Variants in ESRRG observed in about 807,000 individuals in gnomAD.
ESRRG encodes the protein estrogen-related receptor gamma.
Under a neutral mutation model 44.0 loss-of-function variants are expected in ESRRG, and 13 were observed. That is an observed-to-expected ratio of 0.30 (90% CI 0.19 to 0.47). The LOEUF is 0.47. Ranked by LOEUF, ESRRG falls within the 20% of genes least tolerant of loss-of-function variation. The pLI, the probability that ESRRG is intolerant of heterozygous loss-of-function variation, is 1.00. For missense variants in ESRRG, 395 were observed against 580.6 expected (o/e 0.68, Z 3.29); for synonymous variants, 215 against 214.6 (o/e 1.00, Z -0.02).
intron 3 of ESRRG, among the ~76,000 whole-genome samples, chr1:216,630,509 GC>G (rs894017099): frequency 1.3e-5 from 2 of 151,614 alleles, no homozygotes; most frequent in Non-Finnish European, 2.9e-5. Flanking sequence ...GTCTACCTCT[GC>G]CAAATTTCAG....
At chr1:216,884,771 T>C (rs919200743) in intron 2 of ESRRG, among the ~76,000 whole-genome samples, 20 of 152,328 alleles carry the variant, frequency 1.3e-4, no homozygotes, top group Admixed American at 3.9e-4. Flanking sequence ...GTAATTGCAG[T>C]GAGGTTTACA....
intron 1 of ESRRG, among the ~76,000 whole-genome samples, chr1:216,698,738 G>A (rs1031843918): frequency 2.6e-5 from 4 of 152,054 alleles, no homozygotes; most frequent in African/African-American, 9.7e-5. Flanking sequence ...GAAAGAAATG[G>A]AAATGAAGTA....
Position 216,837,103 on chromosome 1 carries a change from A to AC in ESRRG, c.-14+102478_-14+102479insG, listed in dbSNP as rs1553638837. 2.7e-5 allele frequency among the ~76,000 whole-genome samples: 4 copies of AC among 150,430 alleles called. No individual in the cohort carries two copies. The East Asian group carries it at 7.8e-4, about 29-fold the overall frequency. On this transcript the variant is annotated intron_variant, in intron 2 of 7. Transcript: ENST00000359162. ...CCAGTCACAGGTAAAGATATATTCT[A>AC]TTTTTTTTTTAAATACAACTTTTAG...
intron 1 of ESRRG, among the ~76,000 whole-genome samples, chr1:217,119,181 T>C (rs143375310): frequency 1.3e-4 from 20 of 152,344 alleles, no homozygotes; most frequent in African/African-American, 4.8e-4. Context: ...GCACCATTCA[T>C]TACTGTGCAC....
intron 2 of ESRRG, among the ~76,000 whole-genome samples, chr1:216,875,869 A>T (rs539242489): frequency 3.9e-5 from 6 of 152,288 alleles, no homozygotes; most frequent in Non-Finnish European, 7.4e-5. Context: ...CTACACTCCC[A>T]CCGGCAGATA....
At chr1:216,580,753 T>G (rs1198945127) in intron 3 of ESRRG, among the ~76,000 whole-genome samples, 4 of 152,080 alleles carry the variant, frequency 2.6e-5, no homozygotes, top group African/African-American at 9.7e-5. Context: ...AGATTCAGAG[T>G]CCAACAACTG....
intron 3 of ESRRG, among the ~76,000 whole-genome samples, chr1:216,649,407 T>C (rs2151029610): frequency 6.6e-6 from 1 of 152,156 alleles, no homozygotes; most frequent in Admixed American, 6.6e-5. Flanking sequence ...TATCCTTCCT[T>C]CCTTCCACTT....
intron 2 of ESRRG, among the ~76,000 whole-genome samples, chr1:216,809,063 C>A (rs1001558593): frequency 2.6e-5 from 4 of 152,060 alleles, no homozygotes; most frequent in African/African-American, 9.7e-5. Context: ...CAGGGTGCTA[C>A]GCTAAATTTT....
At chr1:216,823,767 A>G (rs1266133799) in intron 2 of ESRRG, among the ~76,000 whole-genome samples, 1 of 152,170 alleles carries the variant, frequency 6.6e-6, no homozygotes, top group Non-Finnish European at 1.5e-5. Context: ...TACAAGATGC[A>G]AGGCATTAGA....
At chr1:216,674,505 G>T (rs920265161) in intron 2 of ESRRG, among the ~76,000 whole-genome samples, 2 of 151,846 alleles carry the variant, frequency 1.3e-5, no homozygotes, top group African/African-American at 4.8e-5. Context: ...ATACTAACTT[G>T]GTTTTGTGCT....
chr1:216,887,475 T>A (rs897661463), intron 2 of ESRRG, among the ~76,000 whole-genome samples: 1 of 152,234 alleles, frequency 6.6e-6, no homozygotes, highest in Non-Finnish European at 1.5e-5. Context: ...TACTCTTGGT[T>A]GTTAAACATG....
chr1:216,752,428 T>A (rs1476408943), intron 2 of ESRRG, among the ~76,000 whole-genome samples: 2 of 151,904 alleles, frequency 1.3e-5, no homozygotes, highest in African/African-American at 4.8e-5. Flanking sequence ...GAACAAAAAA[T>A]AAAAGTTTTT....
intron 2 of ESRRG, among the ~76,000 whole-genome samples, chr1:216,910,548 A>G (rs1009240849): frequency 6.6e-6 from 1 of 152,222 alleles, no homozygotes; most frequent in Non-Finnish European, 1.5e-5. Flanking sequence ...AGCAATTCAC[A>G]TTAATTCAGC....
At chr1:216,989,738 T>C (rs186696972) in intron 1 of ESRRG, among the ~76,000 whole-genome samples, 3 of 152,294 alleles carry the variant, frequency 2.0e-5, no homozygotes, top group Non-Finnish European at 4.4e-5. Context: ...CAGCTTCCTT[T>C]TTCCAGGCAA....
At position 217,110,736 on chromosome 1, in the gene ESRRG, C is replaced by G. The variant is rs566537539; in HGVS notation, c.-230+26931G>C. 6.0e-4 allele frequency among the ~76,000 whole-genome samples: 91 copies of G among 152,234 alleles called. 1 individual carries two copies. The highest frequency in any genetic ancestry group is 2.1e-3 in the African/African-American group (87 of 41,522). On this transcript the variant is annotated intron_variant, in intron 1 of 8. Coordinates refer to the ESRRG transcript ENST00000366940. ...GCACCAACGCATGAGGGATCTGCCC[C>G]CAGGATCCAAACACATCCCACCTCC...
intron 2 of ESRRG, among the ~76,000 whole-genome samples, chr1:216,675,096 C>T (rs1432040144): frequency 1.3e-5 from 2 of 152,106 alleles, no homozygotes; most frequent in African/African-American, 2.4e-5. Flanking sequence ...CACGGTGGCT[C>T]ATGCCTGTAA....
chr1:216,527,952 G>T (rs550645957), intron 5 of ESRRG, among the ~76,000 whole-genome samples: 36 of 152,058 alleles, frequency 2.4e-4, no homozygotes, highest in Non-Finnish European at 4.4e-4. Context: ...AACTCTTCAG[G>T]GTGGAGATCT....
intron 3 of ESRRG, among the ~76,000 whole-genome samples, chr1:216,641,606 C>G (rs975905421): frequency 6.6e-6 from 1 of 152,156 alleles, no homozygotes; most frequent in Admixed American, 6.5e-5. Context: ...AAAACTCAGC[C>G]AGAGACTAAA....
intron 5 of ESRRG, among the ~76,000 whole-genome samples, chr1:216,530,142 G>A (rs950571158): frequency 3.3e-5 from 5 of 150,136 alleles, no homozygotes; most frequent in African/African-American, 1.2e-4. Context: ...AAGGGGGTGG[G>A]GGAAAGAATA....
Sources: allele counts gnomAD v4.1 joint callset (sites outside exome capture counted in the v4.1 genomes callset), GRCh38; gene constraint gnomAD v4.1.1; transcripts MANE v1.5; gene names NCBI Gene and HGNC (gene_info 2026-07-23, HGNC 2026-07-21).